The following TRAPPC11 variants were observed in gnomAD, a reference collection of about 807,000 sequenced individuals.
The protein encoded by TRAPPC11 is trafficking protein particle complex subunit 11, also known as foie gras homolog.
A neutral mutation model predicts 151.2 loss-of-function variants in TRAPPC11; 104 were observed. The observed-to-expected ratio is 0.69, with a 90% CI of 0.59 to 0.81. The LOEUF is 0.81. Ranked by LOEUF, TRAPPC11 falls within the 30% of genes least tolerant of loss-of-function variation. The pLI is 0.00. For missense variants in TRAPPC11, 1,230 were observed against 1,349.6 expected, an observed-to-expected ratio of 0.91 and a Z score of 1.39; for synonymous variants, 456 against 472.3, an observed-to-expected ratio of 0.97 and a Z score of 0.45.
intron 29 of TRAPPC11, among the ~76,000 whole-genome samples, chr4:183,709,708 G>C (rs532306310): frequency 6.6e-6 from 1 of 152,212 alleles, no homozygotes; most frequent in Non-Finnish European, 1.5e-5. Context: ...CCAGGAGGCA[G>C]AGCTTGCAGT....
chr4:183,694,032 G>A lies in TRAPPC11; in HGVS notation c.2502G>A (p.Gly834=), dbSNP rs1391011714. ...TTCCTGTTGGAGACTTACATCCAGG[G>A]GAACAGGTAAACTTGGTCAACTGGG... is the stretch of plus-strand genomic sequence containing the variant. The part of the protein sequence containing the change: ...TDIPVGDLHP[G]EQLEKMLYVR... Residue 834 remains glycine, a synonymous_variant, in exon 22 of 30, where the codon GGG becomes GGA. Coordinates refer to ENST00000334690, the MANE Select transcript of TRAPPC11 (RefSeq NM_021942.6). The A allele has an allele frequency of 6.2e-7, 1 of 1,613,618 alleles. No individual in the cohort carries two copies. The highest frequency in any genetic ancestry group is 8.5e-7 in the Non-Finnish European group (1 of 1,179,668).
At chr4:183,667,669 A>G (rs75987258) in intron 4 of TRAPPC11, among the ~76,000 whole-genome samples, 234 of 152,314 alleles carry the variant, frequency 1.5e-3, no homozygotes, top group South Asian at 9.3e-3. Flanking sequence ...AACTTATAGC[A>G]TCCAAAATGG....
At chr4:183,684,552 AGCT>A (rs1735866148) in intron 14 of TRAPPC11, 141 bp from the exon 15 acceptor site, 2 of 1,029,658 alleles carry the variant, frequency 1.9e-6, no homozygotes, top group African/African-American at 3.2e-5. Flanking sequence ...TCTCACGTTT[AGCT>A]AAATATGAGA....
intron 15 of TRAPPC11, 40 bp from the exon 16 acceptor site, chr4:183,685,044 A>G: frequency 3.2e-6 from 5 of 1,574,932 alleles, no homozygotes; most frequent in Non-Finnish European, 4.3e-6. Flanking sequence ...AGACTTAATT[A>G]TAAGTACTTA....
intron 8 of TRAPPC11, among the ~76,000 whole-genome samples, chr4:183,678,195 C>T (rs1735506823): frequency 1.3e-5 from 2 of 152,122 alleles, no homozygotes; most frequent in Non-Finnish European, 2.9e-5. Flanking sequence ...TCTCGGCCTC[C>T]CAAAGTGCTG....
chr4:183,666,125 C>A, intron 2 of TRAPPC11, 132 bp from the exon 3 acceptor site: 1 of 717,816 alleles, frequency 1.4e-6, no homozygotes, highest in Non-Finnish European at 2.2e-6. Flanking sequence ...AATCTGTAAG[C>A]CTGAGTTTCC....
At chr4:183,703,283 A>G (rs1326350931) in intron 26 of TRAPPC11, among the ~76,000 whole-genome samples, 1 of 152,234 alleles carries the variant, frequency 6.6e-6, no homozygotes, top group Non-Finnish European at 1.5e-5. Flanking sequence ...TATGTGAGTT[A>G]TATGCATAAA....
Position 183,694,607 on chromosome 4 carries a change from G to A in TRAPPC11, c.2512G>A (p.Glu838Lys), listed in dbSNP as rs1444425237. The A allele has an allele frequency of 1.9e-6, 3 of 1,611,154 alleles. No individual in the cohort carries two copies. The highest frequency in any genetic ancestry group is 1.7e-6 in the Non-Finnish European group (2 of 1,178,478). ...VGDLHPGEQL[E>K]KMLYVRCGTV... Reference sequence around the variant, plus strand: ...TACAACATTTATTTTGTTACAGCTGGAAAAAATGTTGTATGTTCGCTGTGG... The same window carrying A: ...TACAACATTTATTTTGTTACAGCTGAAAAAAATGTTGTATGTTCGCTGTGG... Residue 838 changes from glutamate (E) to lysine (K), a missense_variant, in exon 23 of 30, where the codon GAA becomes AAA. Physicochemically the swap from Glu to Lys is moderately conservative, Grantham distance 56 (BLOSUM62 1). Coordinates refer to ENST00000334690, the MANE Select transcript of TRAPPC11 (RefSeq NM_021942.6).
At chr4:183,660,713 G>GT (rs1425844654) in intron 1 of TRAPPC11, among the ~76,000 whole-genome samples, 3 of 152,096 alleles carry the variant, frequency 2.0e-5, no homozygotes, top group Non-Finnish European at 4.4e-5. Context: ...TTGGTCACTT[G>GT]TTTTTTGTTG....
At chr4:183,692,616 C>A (rs1736309249) in intron 19 of TRAPPC11, among the ~76,000 whole-genome samples, 1 of 152,062 alleles carries the variant, frequency 6.6e-6, no homozygotes, top group Admixed American at 6.6e-5. Context: ...GTATCCATAG[C>A]CATCACAATA....
rs1735615518 is a variant in TRAPPC11 at position 183,680,374 on chromosome 4, A to G, written c.1113+107A>G. On this transcript the variant is annotated intron_variant, in intron 10 of 29. Transcript: ENST00000334690. The stretch of plus-strand genomic sequence containing the variant: ...AATTTTTTCCAAGTCTTTAAATTTA[A>G]TTAGTTTTTATTTTTTATAGCTTTA... The G allele has an allele frequency of 1.1e-5, 13 of 1,227,268 alleles. No individual in the cohort carries two copies. The South Asian group carries it at 1.9e-4, about 18-fold the overall frequency. The allele number at this position is 1,227,268 out of a possible 1,614,324, so 76.0% of individuals were successfully genotyped here.
chr4:183,694,168 C>G (rs543336371), intron 22 of TRAPPC11, 130 bp downstream of exon 22: 8 of 952,896 alleles, frequency 8.4e-6, no homozygotes, highest in Non-Finnish European at 1.2e-5. Flanking sequence ...AACTAATGAA[C>G]ATTTCATACA....
rs1453357796 is a variant in TRAPPC11 at position 183,705,010 on chromosome 4, A to C, written c.2995A>C (p.Thr999Pro). 10 of 1,601,228 alleles carry C rather than the reference A, an allele frequency of 6.2e-6. No individual in the cohort carries two copies. The highest frequency in any genetic ancestry group is 3.3e-5 in the Admixed American group (2 of 59,934). Residue 999 changes from threonine (T) to proline (P), a missense_variant, in exon 27 of 30, where the codon ACA (threonine) becomes CCA (proline). Transcript: ENST00000334690. ...TSAMENIPII[T>P]TVITLPHVIV... ...AGCAATGGAGAATATCCCCATCATC[A>C]CAACTGTCATCACTCTGCCGCACGT...
chr4:183,684,551 T>C (rs1371461961), intron 14 of TRAPPC11, 145 bp from the exon 15 acceptor site: 2 of 1,028,046 alleles, frequency 1.9e-6, no homozygotes, highest in African/African-American at 3.2e-5. Context: ...ATCTCACGTT[T>C]AGCTAAATAT....
intron 23 of TRAPPC11, among the ~76,000 whole-genome samples, chr4:183,695,319 G>T (rs776887222): frequency 1.3e-5 from 2 of 152,128 alleles, no homozygotes; most frequent in Non-Finnish European, 2.9e-5. Flanking sequence ...GATAAAATCT[G>T]TAAGTTGACT....
chr4:183,663,999 G>C lies in TRAPPC11; in HGVS notation c.132G>C (p.Arg44=). ...TCTGGGACGCCTTCTGTGCAAATCGGAGAGCTGATCGAGTACCAATTTCTT... is the reference window on the plus strand; with the variant it reads ...TCTGGGACGCCTTCTGTGCAAATCGCAGAGCTGATCGAGTACCAATTTCTT... ...RAVWDAFCAN[R]RADRVPISFK... is the part of the protein sequence containing the mutation. Residue 44 remains arginine, a synonymous_variant, in exon 2 of 30, where the codon CGG becomes CGC. Transcript: ENST00000334690. 6.2e-7 allele frequency: 1 copy of C among 1,614,064 alleles called. No homozygotes were observed.
chr4:183,675,229 T>C lies in TRAPPC11; in HGVS notation c.726T>C (p.Asn242=). 6.5e-7 allele frequency: 1 copy of C among 1,536,326 alleles called. No individual in the cohort carries two copies. Among genetic ancestry groups the C allele is most frequent in the Non-Finnish European group, 8.8e-7 (1 of 1,138,952 alleles). Residue 242 remains asparagine, a synonymous_variant, in exon 7 of 30, where the codon AAT becomes AAC. Transcript: ENST00000334690. ...GTGAGTTGAAACAAGATACACAAAA[T>C]GCGCTGAAGTAAGTTAAGCTTTCAA... ...FFSELKQDTQ[N]ALKNYRTAYN...
intron 25 of TRAPPC11, 62 bp downstream of exon 25, chr4:183,697,897 G>C: frequency 2.8e-6 from 4 of 1,427,250 alleles, no homozygotes; most frequent in Non-Finnish European, 3.8e-6. Flanking sequence ...GTGTGTGTGT[G>C]TATAAGCTGG....
Position 183,693,145 on chromosome 4 carries a change from A to G in TRAPPC11, c.2235A>G (p.Thr745=). 1.9e-6 allele frequency: 3 copies of G among 1,583,636 alleles called. No individual in the cohort carries two copies. The highest frequency in any genetic ancestry group is 2.6e-6 in the Non-Finnish European group (3 of 1,162,912). The change falls in exon 20 of 30, where the codon ACA becomes ACG. Residue 745 remains threonine (T), a splice_region_variant and synonymous_variant. Coordinates refer to ENST00000334690, the MANE Select transcript of TRAPPC11 (RefSeq NM_021942.6). ...HWDSIIIQAS[T]MIISRVPNIS... is the part of the protein sequence containing the mutation. ...ACAGCATTATAATTCAGGCAAGCAC[A>G]ATGTAAGTCTGCTTTGCTAAGCTGA... is the stretch of plus-strand genomic sequence containing the variant.
Sources: allele counts gnomAD v4.1 joint callset (sites outside exome capture counted in the v4.1 genomes callset), GRCh38; gene constraint gnomAD v4.1.1; transcripts MANE v1.5; gene names NCBI Gene and HGNC (gene_info 2026-07-23, HGNC 2026-07-21).